PLEK: variants seen among roughly 807,000 people sequenced by gnomAD.
PLEK encodes pleckstrin.
In PLEK, 25 loss-of-function variants were observed where a neutral mutation model predicts 43.9. That is an observed-to-expected ratio of 0.57 (90% CI 0.41 to 0.79). The LOEUF (loss-of-function observed/expected upper bound fraction) is 0.79. Among genes scored for constraint, PLEK ranks in the 30% least tolerant of loss-of-function variants. PLEK has a pLI of 0.00. For missense variants in PLEK, 396 were observed against 413.3 expected, an observed-to-expected ratio of 0.96 and a Z score of 0.36; for synonymous variants, 152 against 144.4, an observed-to-expected ratio of 1.05 and a Z score of -0.38.
rs146499837 is a variant in PLEK, at chr2:68,393,203, G to A, written c.804G>A (p.Leu268=). The A allele has an allele frequency of 1.2e-6, 2 of 1,613,022 alleles. No homozygotes were observed. The highest frequency in any genetic ancestry group is 8.5e-7 in the Non-Finnish European group (1 of 1,179,090). The change falls in exon 7 of 9, where the codon TTG becomes TTA. Residue 268 remains leucine, a synonymous_variant. Transcript: ENST00000234313. ...ACTGGAAAGTGAGGAAGTTCATCTT[G>A]AGAGAAGACCCTGCCTACCTGCACT... is the stretch of plus-strand genomic sequence containing the variant. ...RKNWKVRKFI[L]REDPAYLHYY... is the part of the protein sequence containing the mutation.
intron 1 of PLEK, among the ~76,000 whole-genome samples, chr2:68,375,023 T>C (rs950394429): frequency 3.9e-5 from 6 of 152,198 alleles, no homozygotes; most frequent in Non-Finnish European, 7.3e-5. Context: ...TATGACAATA[T>C]GCATTCATTT....
At chr2:68,367,952 AT>A (rs1276957136) in intron 1 of PLEK, among the ~76,000 whole-genome samples, 1 of 152,212 alleles carries the variant, frequency 6.6e-6, no homozygotes, top group African/African-American at 2.4e-5. Flanking sequence ...TTATGAAATA[AT>A]TTTATTGCAG....
chr2:68,392,638 C>T (rs996623605), intron 6 of PLEK, among the ~76,000 whole-genome samples: 1 of 152,162 alleles, frequency 6.6e-6, no homozygotes, highest in Non-Finnish European at 1.5e-5. Context: ...GTCCTCCTAC[C>T]CACCTTTGTC....
chr2:68,387,207 T>C (rs1383091775), intron 5 of PLEK, among the ~76,000 whole-genome samples: 2 of 152,190 alleles, frequency 1.3e-5, no homozygotes, highest in African/African-American at 4.8e-5. Flanking sequence ...CGTTTCACCA[T>C]GTTGGCCAGG....
intron 1 of PLEK, among the ~76,000 whole-genome samples, chr2:68,379,163 A>G (rs952272187): frequency 6.6e-6 from 1 of 152,122 alleles, no homozygotes; most frequent in Non-Finnish European, 1.5e-5. Context: ...TAAAATTTAA[A>G]AAAAGAGACA....
In PLEK at chr2:68,378,018, T is replaced by C. The variant is rs148058582; in HGVS notation, c.43-2310T>C. 2.0e-5 allele frequency among the ~76,000 whole-genome samples: 3 copies of C among 152,320 alleles called. No homozygotes were observed. The East Asian group carries it at 5.8e-4, about 29-fold the overall frequency. ...GGGTGGCAATAGTTGACAGAGTGAT[T>C]TTACACACTTTATATATAAAACATG... On this transcript the variant is annotated intron_variant, in intron 1 of 8. Transcript: ENST00000234313.
chr2:68,387,022 T>C (rs1673760152), intron 5 of PLEK, among the ~76,000 whole-genome samples: 1 of 152,188 alleles, frequency 6.6e-6, no homozygotes, highest in Non-Finnish European at 1.5e-5. Context: ...TTTTTATTTA[T>C]TTAGATGTAG....
intron 4 of PLEK, among the ~76,000 whole-genome samples, chr2:68,384,391 AT>A (rs1384009898): frequency 3.3e-5 from 5 of 151,876 alleles, no homozygotes; most frequent in African/African-American, 1.2e-4. Context: ...TGCCTGGCTA[AT>A]TTTTGTATTT....
At chr2:68,377,995 G>T (rs533177747) in intron 1 of PLEK, among the ~76,000 whole-genome samples, 1 of 152,238 alleles carries the variant, frequency 6.6e-6, no homozygotes, top group Non-Finnish European at 1.5e-5. Flanking sequence ...ATATAGTTGG[G>T]TGGCAATAGT....
At chr2:68,394,008 G>A (rs922016108) in intron 7 of PLEK, 99 bp from the exon 8 acceptor site, 3 of 791,324 alleles carry the variant, frequency 3.8e-6, no homozygotes, top group Non-Finnish European at 6.8e-6. Context: ...GGGGGGCCCT[G>A]ATCTATATTA....
chr2:68,368,359 C>T (rs1673324311), intron 1 of PLEK, among the ~76,000 whole-genome samples: 1 of 152,246 alleles, frequency 6.6e-6, no homozygotes, highest in African/African-American at 2.4e-5. Context: ...TGATCCTCAT[C>T]TTACAGATAA....
In PLEK at chr2:68,393,844, C is replaced by T. The variant is rs547396908; in HGVS notation, c.847-263C>T. On this transcript the variant is annotated intron_variant, in intron 7 of 8. Coordinates refer to ENST00000234313, the MANE Select transcript of PLEK (RefSeq NM_002664.3). ...GATACAGTGACCTCAGTGTCTCCAC[C>T]TCTCCTGTCACTTTTCTCCAGATTG... Among the ~76,000 whole-genome samples the T allele has an allele frequency of 3.9e-5, 6 of 152,260 alleles. No individual in the cohort carries two copies. In the South Asian group the frequency reaches 1.2e-3, roughly 32 times the overall value.
rs1443681898 is a variant in PLEK at position 68,373,225 on chromosome 2, C to A, written c.43-7103C>A. On this transcript the variant is annotated intron_variant, in intron 1 of 8. Coordinates refer to ENST00000234313, the MANE Select transcript of PLEK (RefSeq NM_002664.3). Reference sequence around the variant, plus strand: ...AGGAGAGAAAAACCTCCTCAAATTCCATCATCCTGACCTAACTCAGCACTA... The same window carrying A: ...AGGAGAGAAAAACCTCCTCAAATTCAATCATCCTGACCTAACTCAGCACTA... Among the ~76,000 whole-genome samples, 5 of 152,218 alleles carry A rather than the reference C, an allele frequency of 3.3e-5. No individual in the cohort carries two copies. In the East Asian group the frequency reaches 9.7e-4, roughly 30 times the overall value.
intron 1 of PLEK, among the ~76,000 whole-genome samples, chr2:68,376,536 C>T (rs982620412): frequency 6.6e-6 from 1 of 151,764 alleles, no homozygotes; most frequent in African/African-American, 2.4e-5. Context: ...CTTATTGTGT[C>T]TATTCTTATG....
chr2:68,375,101 A>G (rs1673477674), intron 1 of PLEK, among the ~76,000 whole-genome samples: 1 of 152,196 alleles, frequency 6.6e-6, no homozygotes, highest in Admixed American at 6.6e-5. Context: ...GCTTTAGCAT[A>G]AAACCACCAG....
intron 1 of PLEK, among the ~76,000 whole-genome samples, chr2:68,372,503 T>C (rs1039179874): frequency 6.6e-6 from 1 of 152,142 alleles, no homozygotes; most frequent in African/African-American, 2.4e-5. Context: ...TATGGTCAAA[T>C]CTGCCGTTCT....
At chr2:68,380,592 C>T (rs41285951) in intron 2 of PLEK, 109 bp downstream of exon 2, 27,370 of 1,381,722 alleles carry the variant, frequency 0.02, 338 homozygotes, top group Middle Eastern at 0.044. Flanking sequence ...CCTCTCACCA[C>T]CACCCACACC....
At position 68,367,638 on chromosome 2, in the gene PLEK, TG is replaced by T. The variant is rs141925942; in HGVS notation, c.42+2247del. Among the ~76,000 whole-genome samples the T allele has an allele frequency of 3.6e-3, 550 of 152,320 alleles. 2 individuals carry two copies. Among genetic ancestry groups the T allele is most frequent in the African/African-American group, 0.013 (529 of 41,582 alleles). On this transcript the variant is annotated intron_variant, in intron 1 of 8. Coordinates refer to ENST00000234313, the MANE Select transcript of PLEK (RefSeq NM_002664.3). ...ATATGTCAAGAATCTGACATATAATTGGTGTACATAAGCTGCATAAGACACT... is the reference window on the plus strand; with the variant it reads ...ATATGTCAAGAATCTGACATATAATTGTGTACATAAGCTGCATAAGACACT...
chr2:68,385,920 T>C (rs1673731645), intron 4 of PLEK, among the ~76,000 whole-genome samples: 1 of 152,176 alleles, frequency 6.6e-6, no homozygotes, highest in Non-Finnish European at 1.5e-5. Flanking sequence ...TGAGGGAATT[T>C]CTCCAACACC....
Sources: allele counts gnomAD v4.1 joint callset (sites outside exome capture counted in the v4.1 genomes callset), GRCh38; gene constraint gnomAD v4.1.1; transcripts MANE v1.5; gene names NCBI Gene and HGNC (gene_info 2026-07-23, HGNC 2026-07-21).